DNAJC15: variants seen among roughly 807,000 people sequenced by gnomAD.
DNAJC15 encodes DnaJ heat shock protein family (Hsp40) member C15, also known as dnaJ homolog subfamily C member 15.
DNAJC15 carries 27 observed loss-of-function variants against 22.4 expected under a neutral mutation model. The observed-to-expected ratio is 1.20, with a 90% CI of 0.89 to 1.66. The LOEUF is 1.66. Ranked by LOEUF, DNAJC15 falls within the 40% of genes most tolerant of loss-of-function variation. The probability of loss-of-function intolerance (pLI) is 0.00; values close to 1 mark genes in which losing one functional copy is unlikely to be tolerated. For missense variants in DNAJC15, 208 were observed against 187.1 expected, an observed-to-expected ratio of 1.11 and a Z score of -0.65; for synonymous variants, 79 against 63.2, an observed-to-expected ratio of 1.25 and a Z score of -1.19.
intron 3 of DNAJC15, among the ~76,000 whole-genome samples, chr13:43,074,845 C>A (rs1160192340): frequency 6.6e-6 from 1 of 151,748 alleles, no homozygotes; most frequent in Admixed American, 6.5e-5. Flanking sequence ...TGCACAGGTC[C>A]ACTTAATCAT....
At chr13:43,078,819 T>TTA (rs1464712286) in intron 4 of DNAJC15, 131 bp downstream of exon 4, 1 of 697,372 alleles carries the variant, frequency 1.4e-6, no homozygotes, top group Non-Finnish European at 2.2e-6. Flanking sequence ...TATCAAATTT[T>TTA]TATATTTTAA....
intron 3 of DNAJC15, among the ~76,000 whole-genome samples, chr13:43,072,881 A>G (rs1399977455): frequency 1.3e-5 from 2 of 152,258 alleles, no homozygotes; most frequent in East Asian, 1.9e-4. Flanking sequence ...GTAATTTTCT[A>G]ACTTCCAAGG....
intron 1 of DNAJC15, among the ~76,000 whole-genome samples, chr13:43,037,613 C>T (rs1416029505): frequency 6.6e-6 from 1 of 151,698 alleles, no homozygotes; most frequent in Non-Finnish European, 1.5e-5. Context: ...TTTTAATAAC[C>T]TTTATTTTTA....
At chr13:43,046,111 A>T (rs1034276519) in intron 1 of DNAJC15, among the ~76,000 whole-genome samples, 3 of 152,188 alleles carry the variant, frequency 2.0e-5, no homozygotes, top group Non-Finnish European at 4.4e-5. Flanking sequence ...TTGTTTAACA[A>T]ATTAGTTATT....
chr13:43,029,926 C>G (rs958816687), intron 1 of DNAJC15, among the ~76,000 whole-genome samples: 1 of 151,840 alleles, frequency 6.6e-6, no homozygotes, highest in African/African-American at 2.4e-5. Flanking sequence ...TGAATGAAAC[C>G]AACAGGCTTG....
chr13:43,098,117 C>T (rs921427122), intron 5 of DNAJC15, among the ~76,000 whole-genome samples: 28 of 152,140 alleles, frequency 1.8e-4, no homozygotes, highest in Admixed American at 1.0e-3. Flanking sequence ...ATATCAAATA[C>T]TTAAAATGTG....
intron 5 of DNAJC15, among the ~76,000 whole-genome samples, chr13:43,104,176 G>C (rs1197176926): frequency 6.6e-6 from 1 of 152,056 alleles, no homozygotes; most frequent in Non-Finnish European, 1.5e-5. Flanking sequence ...AGCTCCAAAG[G>C]TTCCTTTTTG....
At chr13:43,067,089 C>T (rs549785215) in intron 2 of DNAJC15, among the ~76,000 whole-genome samples, 30 of 152,160 alleles carry the variant, frequency 2.0e-4, no homozygotes, top group African/African-American at 6.3e-4. Context: ...TAAGTTCTAT[C>T]GGTTTGATCT....
At position 43,113,410 on chromosome 13, in the gene DNAJC15, A is replaced by G. The variant is rs2040833562; in HGVS notation, c.*6162A>G. ...TGCCATACTTTTTTTGCCAAATTCC[A>G]AAATTGTGTATAGTTCTATAGTTGT... is the stretch of plus-strand genomic sequence containing the variant. On this transcript the variant is annotated 3_prime_UTR_variant, in exon 6 of 6. Transcript: ENST00000379221. 1.3e-5 allele frequency: 2 copies of G among 152,112 alleles called. No individual in the cohort carries two copies. The highest frequency in any genetic ancestry group is 4.1e-4 in the South Asian group (2 of 4,826). 9.4% of individuals were successfully genotyped at this position (152,112 alleles called of 1,614,324 possible). A position where few individuals can be genotyped will look rare whatever the true frequency, so the allele number is the denominator to read the frequency against.
At chr13:43,106,744 G>A (rs997968000) in intron 5 of DNAJC15, among the ~76,000 whole-genome samples, 52 of 151,088 alleles carry the variant, frequency 3.4e-4, no homozygotes, top group African/African-American at 1.2e-3. Context: ...AAGACCCCTT[G>A]GATTGATTTA....
intron 1 of DNAJC15, among the ~76,000 whole-genome samples, chr13:43,046,005 T>C (rs1316287523): frequency 6.6e-6 from 1 of 152,232 alleles, no homozygotes; most frequent in African/African-American, 2.4e-5. Context: ...ATTTATTGAA[T>C]TAATTAATGA....
intron 3 of DNAJC15, among the ~76,000 whole-genome samples, chr13:43,071,450 CTT>C (rs148396677): frequency 0.016 from 2,393 of 152,228 alleles, 52 homozygotes; most frequent in African/African-American, 0.054. Context: ...AGTAAAACAT[CTT>C]AGAATATCTT....
chr13:43,030,887 T>C lies in DNAJC15; in HGVS notation c.108+7153T>C, dbSNP rs183844680. On this transcript the variant is annotated intron_variant, in intron 1 of 5. Coordinates refer to ENST00000379221, the MANE Select transcript of DNAJC15 (RefSeq NM_013238.3). Reference sequence around the variant, plus strand: ...AGGCATAGGTGTCATAAGAGAAATATATGGATAAAATGCTTGATTTCGTAG... The same window carrying C: ...AGGCATAGGTGTCATAAGAGAAATACATGGATAAAATGCTTGATTTCGTAG... 2.6e-5 allele frequency among the ~76,000 whole-genome samples: 4 copies of C among 152,324 alleles called. No individual in the cohort carries two copies. In the East Asian group the frequency reaches 7.7e-4, roughly 29 times the overall value.
intron 1 of DNAJC15, among the ~76,000 whole-genome samples, chr13:43,063,472 A>G (rs757981822): frequency 2.0e-5 from 3 of 152,190 alleles, no homozygotes; most frequent in Non-Finnish European, 4.4e-5. Context: ...TGTACAAAAC[A>G]AGTTCCACAA....
At chr13:43,049,754 A>T (rs1176225002) in intron 1 of DNAJC15, among the ~76,000 whole-genome samples, 1 of 152,166 alleles carries the variant, frequency 6.6e-6, no homozygotes, top group East Asian at 1.9e-4. Context: ...TATATGTGGA[A>T]GTTTGAGGAG....
At position 43,085,969 on chromosome 13, in the gene DNAJC15, A is replaced by G. The variant is rs139689863; in HGVS notation, c.382+131A>G. On this transcript the variant is annotated intron_variant, in intron 5 of 5. Transcript: ENST00000379221. Reference sequence around the variant, plus strand: ...CCACATGTATTGTGATTTTTTTCTCATAAATGAGCATTTAGGTTGGAGTTC... The same window carrying G: ...CCACATGTATTGTGATTTTTTTCTCGTAAATGAGCATTTAGGTTGGAGTTC... 399 of 728,514 alleles carry G rather than the reference A, an allele frequency of 5.5e-4. 1 individual carries two copies. In the East Asian group the frequency reaches 8.9e-3, roughly 16 times the overall value. 45.1% of individuals were successfully genotyped at this position (728,514 alleles called of 1,614,324 possible).
intron 5 of DNAJC15, among the ~76,000 whole-genome samples, chr13:43,099,732 G>C (rs2040758049): frequency 6.6e-6 from 1 of 151,910 alleles, no homozygotes; most frequent in Admixed American, 6.6e-5. Context: ...AATCCCACAG[G>C]GATTTGCAAG....
intron 5 of DNAJC15, among the ~76,000 whole-genome samples, chr13:43,089,661 A>G (rs571931944): frequency 6.7e-4 from 102 of 152,326 alleles, no homozygotes; most frequent in African/African-American, 2.4e-3. Context: ...CTAGGTATGT[A>G]TTATGATAAT....
chr13:43,087,916 TA>T, intron 5 of DNAJC15, among the ~76,000 whole-genome samples: 2 of 152,298 alleles, frequency 1.3e-5, no homozygotes, highest in African/African-American at 2.4e-5. Flanking sequence ...TGTAGTGAGA[TA>T]AAAAAATAAT....
Sources: allele counts gnomAD v4.1 joint callset (sites outside exome capture counted in the v4.1 genomes callset), GRCh38; gene constraint gnomAD v4.1.1; transcripts MANE v1.5; gene names NCBI Gene and HGNC (gene_info 2026-07-23, HGNC 2026-07-21).